Variants in CEP83 observed in about 807,000 individuals in gnomAD.
CEP83 encodes the protein centrosomal protein of 83 kDa.
A neutral mutation model predicts 101.9 loss-of-function variants in CEP83; 70 were observed. The observed-to-expected ratio is 0.69, with a 90% CI of 0.57 to 0.84. The LOEUF (loss-of-function observed/expected upper bound fraction) is 0.84, where lower values mean the gene tolerates loss of function less well. Ranked by LOEUF, CEP83 falls within the 40% of genes least tolerant of loss-of-function variation. The pLI is 0.00. For synonymous variants in CEP83, 264 were observed against 267.9 expected, an observed-to-expected ratio of 0.99 and a Z score of 0.14; for missense variants, 715 against 787.2, an observed-to-expected ratio of 0.91 and a Z score of 1.10.
intron 14 of CEP83, among the ~76,000 whole-genome samples, chr12:94,324,051 A>C (rs1016030651): frequency 2.0e-5 from 3 of 152,102 alleles, no homozygotes; most frequent in Admixed American, 2.0e-4. Context: ...CTATATTATC[A>C]TTTTTCTATA....
intron 8 of CEP83, among the ~76,000 whole-genome samples, chr12:94,373,889 T>C (rs530725675): frequency 6.6e-6 from 1 of 152,338 alleles, no homozygotes; most frequent in East Asian, 1.9e-4. Context: ...GTGGCAGTCA[T>C]GTTTGAAATA....
In CEP83 at chr12:94,376,560, G is replaced by A. The variant is rs117311107; in HGVS notation, c.802-543C>T. On this transcript the variant is annotated intron_variant, in intron 7 of 16. Transcript: ENST00000397809. The stretch of plus-strand genomic sequence containing the variant: ...TTGATCTCATGACACAATTAAGATT[G>A]TTAATGAAGTCTGCAGGTTGTCAAA... Among the ~76,000 whole-genome samples, 99 of 151,964 alleles carry A rather than the reference G, an allele frequency of 6.5e-4. No individual in the cohort carries two copies. The East Asian group carries it at 0.017, about 26-fold the overall frequency.
At chr12:94,377,110 G>A (rs574830205) in intron 7 of CEP83, among the ~76,000 whole-genome samples, 10 of 152,112 alleles carry the variant, frequency 6.6e-5, no homozygotes, top group African/African-American at 2.2e-4. Context: ...ATCTCATTTC[G>A]TACATATAGA....
intron 11 of CEP83, among the ~76,000 whole-genome samples, chr12:94,350,358 G>C (rs1300619143): frequency 6.6e-6 from 1 of 152,126 alleles, no homozygotes; most frequent in Non-Finnish European, 1.5e-5. Flanking sequence ...AATGATTTTT[G>C]ACAAGAGTAC....
At chr12:94,342,242 T>C (rs949286773) in intron 11 of CEP83, among the ~76,000 whole-genome samples, 1 of 152,172 alleles carries the variant, frequency 6.6e-6, no homozygotes, top group Admixed American at 6.5e-5. Flanking sequence ...TACCACTTAA[T>C]GAACATGATT....
chr12:94,423,820 C>T (rs2064971440), intron 2 of CEP83: 1 of 1,613,554 alleles, frequency 6.2e-7, no homozygotes, highest in Non-Finnish European at 8.5e-7. Flanking sequence ...TTGGCCGCTG[C>T]TCTCCTCGAC....
chr12:94,272,583 T>A, the CEP83 span, among the ~76,000 whole-genome samples: 48 of 152,244 alleles, frequency 3.2e-4, no homozygotes, highest in African/African-American at 1.1e-3. Flanking sequence ...CTGCCACCGC[T>A]CCAAGCACTA....
chr12:94,311,501 A>G (rs920103993), intron 15 of CEP83, among the ~76,000 whole-genome samples: 1 of 152,098 alleles, frequency 6.6e-6, no homozygotes, highest in Non-Finnish European at 1.5e-5. Flanking sequence ...TGAGCCCTCT[A>G]CCTGTGGGAT....
chr12:94,354,464 G>A (rs966396983), intron 11 of CEP83, among the ~76,000 whole-genome samples: 3 of 152,126 alleles, frequency 2.0e-5, no homozygotes, highest in Admixed American at 6.6e-5. Context: ...GGGATTACAG[G>A]TATGAGCCAC....
At chr12:94,338,191 G>C (rs1472036588) in intron 11 of CEP83, among the ~76,000 whole-genome samples, 2 of 152,156 alleles carry the variant, frequency 1.3e-5, no homozygotes, top group Non-Finnish European at 2.9e-5. Flanking sequence ...AGTGCAGATA[G>C]AATAAACTGT....
intron 11 of CEP83, among the ~76,000 whole-genome samples, chr12:94,350,536 TGGG>T (rs2060151405): frequency 6.6e-6 from 1 of 151,846 alleles, no homozygotes; most frequent in African/African-American, 2.4e-5. Context: ...TCTTAGAAGA[TGGG>T]GGAAAGGCTT....
chr12:94,457,435 C>T lies in CEP83; in HGVS notation c.-155+2122G>A, dbSNP rs141797468. Reference sequence around the variant, plus strand: ...GGGGTGGGGAAATTCTGACAATTCACTAAAATTCACTAATCTTTCTGTTAA... The same window carrying T: ...GGGGTGGGGAAATTCTGACAATTCATTAAAATTCACTAATCTTTCTGTTAA... On this transcript the variant is annotated intron_variant, in intron 1 of 16. Coordinates refer to ENST00000397809, the MANE Select transcript of CEP83 (RefSeq NM_016122.3). Among the ~76,000 whole-genome samples, 440 of 152,298 alleles carry T rather than the reference C, an allele frequency of 2.9e-3. 1 individual carries two copies. Among genetic ancestry groups the T allele is most frequent in the African/African-American group, 0.01 (419 of 41,548 alleles).
chr12:94,354,914 A>T (rs1194175991), intron 11 of CEP83, among the ~76,000 whole-genome samples: 1 of 152,176 alleles, frequency 6.6e-6, no homozygotes, highest in African/African-American at 2.4e-5. Flanking sequence ...AAGCAGGAGA[A>T]CTGCTTGAAT....
rs201148634 is a variant in CEP83, at chr12:94,308,822, G to A, written c.2097C>T (p.Ser699=). The A allele has an allele frequency of 2.9e-5, 47 of 1,607,060 alleles. No homozygotes were observed. The highest frequency in any genetic ancestry group is 6.7e-5 in the East Asian group (3 of 44,786). ...CTGTTCTCCAAGAACATCATTCTCC[G>A]GAAGATCCAAGTTCCTCTAGTTGTT... is the stretch of plus-strand genomic sequence containing the variant. The part of the protein sequence containing the change: ...QRKQLEELGS[S]GE Residue 699 remains serine (S), a synonymous_variant, in exon 17 of 17, where the codon TCC becomes TCT. Coordinates refer to ENST00000397809, the MANE Select transcript of CEP83 (RefSeq NM_016122.3).
In CEP83 at chr12:94,327,972, C is replaced by T. The variant is rs145355615; in HGVS notation, c.1707+3728G>A. Among the ~76,000 whole-genome samples, 352 of 152,266 alleles carry T rather than the reference C, an allele frequency of 2.3e-3. 2 individuals carry two copies. The highest frequency in any genetic ancestry group is 8.3e-3 in the African/African-American group (345 of 41,558). On this transcript the variant is annotated intron_variant, in intron 14 of 16. Transcript: ENST00000397809. ...TTCTCCAGCAAGATTATATAGTTAT[C>T]AAAGCCAAGGAGTAATCATGGCTTC...
intron 11 of CEP83, among the ~76,000 whole-genome samples, chr12:94,357,742 G>A (rs370730313): frequency 2.9e-4 from 44 of 149,926 alleles, no homozygotes; most frequent in African/African-American, 1.0e-3. Flanking sequence ...AAGGTCTAGT[G>A]TAAGTTTAAA....
At chr12:94,304,111 G>A, downstream of CEP83, 7 of 1,083,638 alleles carry the variant, frequency 6.5e-6, no homozygotes, top group South Asian at 8.4e-5. Context: ...TGTGGTTATA[G>A]CATTCTGTCA....
In CEP83 at chr12:94,383,681, CTTAG is replaced by C. The variant is rs569665576; in HGVS notation, c.550-4643_550-4640del. Reference sequence around the variant, plus strand: ...TAAGCCATTTTGGTCTGTTTCTTCTCTTAGTTTCTCTGTTTTCTTTTTCTTGCCT... The same window carrying C: ...TAAGCCATTTTGGTCTGTTTCTTCTCTTTCTCTGTTTTCTTTTTCTTGCCT... On this transcript the variant is annotated intron_variant, in intron 6 of 16. Coordinates refer to ENST00000397809, the MANE Select transcript of CEP83 (RefSeq NM_016122.3). Among the ~76,000 whole-genome samples the C allele has an allele frequency of 3.0e-4, 45 of 152,166 alleles. 2 individuals carry two copies. In the South Asian group the frequency reaches 8.9e-3, roughly 30 times the overall value.
At chr12:94,442,069 T>C (rs1358703659) in intron 1 of CEP83, among the ~76,000 whole-genome samples, 3 of 151,902 alleles carry the variant, frequency 2.0e-5, no homozygotes, top group South Asian at 4.1e-4. Flanking sequence ...TGCAAAAATA[T>C]GGAACCAGAC....
Sources: gnomAD v4.1 joint callset for allele counts (sites outside exome capture counted in the v4.1 genomes callset) on GRCh38, gnomAD v4.1.1 for gene constraint, MANE v1.5 for transcripts, NCBI Gene and HGNC (gene_info 2026-07-23, HGNC 2026-07-21) for gene names.